The following MYO9A variants were observed in gnomAD, a reference collection of about 807,000 sequenced individuals.
MYO9A encodes myosin IXA, also known as unconventional myosin-IXa.
A neutral mutation model predicts 293.3 loss-of-function variants in MYO9A; 103 were observed. The ratio of observed to expected loss-of-function variants is 0.35; its 90% CI spans 0.30 to 0.41. The LOEUF (loss-of-function observed/expected upper bound fraction) is 0.41, where lower values mean the gene tolerates loss of function less well. Ranked by LOEUF, MYO9A falls within the 10% of genes least tolerant of loss-of-function variation. MYO9A has a pLI of 1.00. For missense variants in MYO9A, 2,685 were observed against 3,033.0 expected (o/e 0.89, Z 2.69); for synonymous variants, 1,001 against 1,035.7 (o/e 0.97, Z 0.64).
In MYO9A at chr15:72,042,167, G is replaced by T. The variant is rs548658024; in HGVS notation, c.840+3557C>A. 1.9e-4 allele frequency among the ~76,000 whole-genome samples: 28 copies of T among 150,030 alleles called. No homozygotes were observed. In the South Asian group the frequency reaches 3.6e-3, roughly 19 times the overall value. ...TAAAGAAAACAATGTTAGGCATGAT[G>T]GTGCAAGATAGAATGCAAAAAAAAA... On this transcript the variant is annotated intron_variant, in intron 2 of 41. Coordinates refer to ENST00000356056, the MANE Select transcript of MYO9A (RefSeq NM_006901.4).
intron 26 of MYO9A, chr15:71,893,192 G>A: frequency 8.0e-7 from 1 of 1,257,170 alleles, no homozygotes; most frequent in Non-Finnish European, 1.0e-6. Flanking sequence ...TTGACCAAAT[G>A]ATAAAACAAA....
At chr15:71,855,267 C>G (rs920822883) in intron 34 of MYO9A, among the ~76,000 whole-genome samples, 2 of 152,160 alleles carry the variant, frequency 1.3e-5, no homozygotes, top group African/African-American at 4.8e-5. Context: ...TCCCAAGTAG[C>G]TGGGACTACA....
Position 72,114,897 on chromosome 15 carries a change from T to C in MYO9A, c.-72+2783A>G, listed in dbSNP as rs180872306. On this transcript the variant is annotated intron_variant, in intron 1 of 41. Coordinates refer to ENST00000356056, the MANE Select transcript of MYO9A (RefSeq NM_006901.4). ...AAACCTTAATATTCTTGGCAAATCA[T>C]ATTTTCAAACCTCCTACATTTCTCT... Among the ~76,000 whole-genome samples, 58 of 152,340 alleles carry C rather than the reference T, an allele frequency of 3.8e-4. No individual in the cohort carries two copies. The East Asian group carries it at 9.6e-3, about 25-fold the overall frequency.
chr15:71,953,997 G>A (rs2059121518), intron 14 of MYO9A, among the ~76,000 whole-genome samples: 1 of 151,920 alleles, frequency 6.6e-6, no homozygotes, highest in East Asian at 1.9e-4. Context: ...CCGGGTTCAA[G>A]CGATTCTCCT....
intron 9 of MYO9A, among the ~76,000 whole-genome samples, chr15:71,997,553 C>G (rs1022310437): frequency 6.6e-6 from 1 of 151,834 alleles, no homozygotes; most frequent in South Asian, 2.1e-4. Flanking sequence ...TGAGCGAGAT[C>G]ACACCACTGC....
chr15:72,077,752 A>AAAAAAATATAT (rs2079412621), intron 1 of MYO9A, among the ~76,000 whole-genome samples: 1 of 72,492 alleles, frequency 1.4e-5, no homozygotes, highest in African/African-American at 7.8e-5. Flanking sequence ...AAAAAAAAAA[A>AAAAAAATATAT]ATATATATAT....
chr15:71,835,300 A>AT (rs2054894807), intron 39 of MYO9A, among the ~76,000 whole-genome samples: 1 of 152,164 alleles, frequency 6.6e-6, no homozygotes. Flanking sequence ...TCTAACTTAC[A>AT]TAAGAAAAAG....
intron 19 of MYO9A, among the ~76,000 whole-genome samples, chr15:71,908,711 A>G (rs1464830910): frequency 6.6e-6 from 1 of 152,168 alleles, no homozygotes; most frequent in African/African-American, 2.4e-5. Flanking sequence ...TTTCCCCTAT[A>G]ATTAACATCT....
chr15:72,115,856 T>C (rs2151230073), intron 1 of MYO9A, among the ~76,000 whole-genome samples: 1 of 152,106 alleles, frequency 6.6e-6, no homozygotes, highest in Admixed American at 6.5e-5. Flanking sequence ...ACATATAACA[T>C]CAGACACATT....
intron 15 of MYO9A, among the ~76,000 whole-genome samples, chr15:71,941,174 A>T (rs905130033): frequency 6.6e-6 from 1 of 152,102 alleles, no homozygotes; most frequent in Non-Finnish European, 1.5e-5. Flanking sequence ...AGTGGCTCCC[A>T]CCTGTAATCC....
intron 1 of MYO9A, among the ~76,000 whole-genome samples, chr15:72,115,696 A>ATAATT (rs2080945898): frequency 6.6e-6 from 1 of 152,210 alleles, no homozygotes. Context: ...AAATCCTTCA[A>ATAATT]TAATTTAATA....
chr15:71,903,499 T>C (rs1167615697), intron 21 of MYO9A, among the ~76,000 whole-genome samples: 1 of 152,238 alleles, frequency 6.6e-6, no homozygotes, highest in African/African-American at 2.4e-5. Flanking sequence ...TCCATACCCA[T>C]AGCAGCAATT....
intron 39 of MYO9A, among the ~76,000 whole-genome samples, chr15:71,844,226 C>T (rs2055287998): frequency 6.6e-6 from 1 of 152,180 alleles, no homozygotes; most frequent in Non-Finnish European, 1.5e-5. Context: ...AGTATTCTCA[C>T]CATATTTGGC....
At chr15:72,003,541 A>AT (rs948670017) in intron 8 of MYO9A, among the ~76,000 whole-genome samples, 5 of 150,930 alleles carry the variant, frequency 3.3e-5, no homozygotes, top group Admixed American at 1.3e-4. Context: ...CTAAAAATAC[A>AT]TAAAAAAAAA....
In MYO9A at chr15:71,824,981, G is replaced by A. The variant is rs2054412327; in HGVS notation, c.*1599C>T. 6.6e-6 allele frequency: 1 copy of A among 152,198 alleles called. No homozygotes were observed. Among genetic ancestry groups the A allele is most frequent in the South Asian group, 2.1e-4 (1 of 4,822 alleles). 9.4% of individuals were successfully genotyped at this position (152,198 alleles called of 1,614,324 possible). On this transcript the variant is annotated 3_prime_UTR_variant, in exon 42 of 42. Transcript: ENST00000356056. Reference sequence around the variant, plus strand: ...CACAACTTCAAAGAAGTATGAAAAGGAAGAATACCCAAAATACAGGTTATA... The same window carrying A: ...CACAACTTCAAAGAAGTATGAAAAGAAAGAATACCCAAAATACAGGTTATA...
chr15:71,961,971 A>T (rs1356740295), intron 13 of MYO9A, among the ~76,000 whole-genome samples: 1 of 151,636 alleles, frequency 6.6e-6, no homozygotes, highest in Non-Finnish European at 1.5e-5. Flanking sequence ...TAATTCCCCC[A>T]CCTCAGCCTC....
chr15:71,886,624 G>A (rs936379141), intron 27 of MYO9A, among the ~76,000 whole-genome samples: 2 of 152,002 alleles, frequency 1.3e-5, no homozygotes, highest in African/African-American at 4.8e-5. Flanking sequence ...GCTTTACTTA[G>A]CTGGATTAGG....
chr15:72,065,442 G>C (rs2078991332), intron 1 of MYO9A, among the ~76,000 whole-genome samples: 2 of 151,018 alleles, frequency 1.3e-5, no homozygotes, highest in Non-Finnish European at 2.9e-5. Flanking sequence ...TTGAACCCGG[G>C]AGGCGGAGGT....
intron 1 of MYO9A, among the ~76,000 whole-genome samples, chr15:72,066,342 C>T (rs1052736975): frequency 6.6e-6 from 1 of 151,926 alleles, no homozygotes; most frequent in Non-Finnish European, 1.5e-5. Context: ...AATAATTAGC[C>T]GGGCGTGGTG....
Sources: gnomAD v4.1 joint callset for allele counts (sites outside exome capture counted in the v4.1 genomes callset) on GRCh38, gnomAD v4.1.1 for gene constraint, MANE v1.5 for transcripts, NCBI Gene and HGNC (gene_info 2026-07-23, HGNC 2026-07-21) for gene names.